The following PPP1R9A variants were observed in gnomAD, a reference collection of about 807,000 sequenced individuals.
PPP1R9A encodes the protein neurabin-1.
PPP1R9A carries 59 observed loss-of-function variants against 141.9 expected under a neutral mutation model. That is an observed-to-expected ratio of 0.42 (90% CI 0.34 to 0.52). The LOEUF (loss-of-function observed/expected upper bound fraction) is 0.52, where lower values mean the gene tolerates loss of function less well. Ranked by LOEUF, PPP1R9A falls within the 20% of genes least tolerant of loss-of-function variation. The pLI, the probability that PPP1R9A is intolerant of heterozygous loss-of-function variation, is 0.10. For missense variants in PPP1R9A, 1,444 were observed against 1,611.9 expected (o/e 0.90, Z 1.78); for synonymous variants, 500 against 569.7 (o/e 0.88, Z 1.74).
intron 2 of PPP1R9A, among the ~76,000 whole-genome samples, chr7:95,063,362 A>T (rs568899638): frequency 1.5e-4 from 23 of 152,200 alleles, no homozygotes; most frequent in African/African-American, 5.3e-4. Context: ...CCAGCAGTTT[A>T]AGATCAGCCT....
intron 2 of PPP1R9A, among the ~76,000 whole-genome samples, chr7:95,009,780 A>G (rs1186373885): frequency 6.6e-6 from 1 of 152,210 alleles, no homozygotes; most frequent in African/African-American, 2.4e-5. Context: ...TTGGCTGTAA[A>G]GAGGCAGGAA....
chr7:95,022,100 A>G lies in PPP1R9A; in HGVS notation c.1396-89159A>G, dbSNP rs142154899. On this transcript the variant is annotated intron_variant, in intron 2 of 19. Coordinates refer to ENST00000433360, the MANE Select transcript of PPP1R9A (RefSeq NM_001166160.2). ...TCACAATATTGATTCTTTCCTATCC[A>G]TGAGCATGGAATGTTTTCCATTTGT... 7.3e-3 allele frequency among the ~76,000 whole-genome samples: 1,114 copies of G among 152,324 alleles called. 25 individuals are homozygous for G. Among genetic ancestry groups the G allele is most frequent in the South Asian group, 0.01 (50 of 4,834 alleles).
At chr7:95,066,942 C>G (rs1238780424) in intron 2 of PPP1R9A, among the ~76,000 whole-genome samples, 1 of 152,194 alleles carries the variant, frequency 6.6e-6, no homozygotes, top group African/African-American at 2.4e-5. Flanking sequence ...AACTTGAAAA[C>G]TTTCAGGGGA....
intron 2 of PPP1R9A, among the ~76,000 whole-genome samples, chr7:94,926,809 G>C (rs1305085399): frequency 6.6e-6 from 1 of 151,804 alleles, no homozygotes; most frequent in Non-Finnish European, 1.5e-5. Context: ...TATTTTTGTA[G>C]TCGGTTGTCT....
At chr7:95,173,981 A>T (rs934732433) in intron 5 of PPP1R9A, among the ~76,000 whole-genome samples, 38 of 152,204 alleles carry the variant, frequency 2.5e-4, no homozygotes, top group African/African-American at 8.9e-4. Context: ...AGTTAGGCAT[A>T]CACTTATACC....
At chr7:95,079,774 G>A (rs994383006) in intron 2 of PPP1R9A, among the ~76,000 whole-genome samples, 43 of 152,178 alleles carry the variant, frequency 2.8e-4, no homozygotes, top group African/African-American at 1.0e-3. Context: ...GGGATGCAAG[G>A]CTGGTTCAAT....
chr7:94,994,351 C>T (rs972670462), intron 2 of PPP1R9A, among the ~76,000 whole-genome samples: 1 of 151,740 alleles, frequency 6.6e-6, no homozygotes, highest in African/African-American at 2.4e-5. Flanking sequence ...GAAGAAAGGG[C>T]GGGAGAAGAT....
intron 2 of PPP1R9A, among the ~76,000 whole-genome samples, chr7:94,953,867 G>T (rs987243839): frequency 6.6e-6 from 1 of 151,630 alleles, no homozygotes; most frequent in African/African-American, 2.4e-5. Flanking sequence ...GGGCTGAGAC[G>T]ATGGGGTTTT....
chr7:94,962,048 A>G (rs1797702667), intron 2 of PPP1R9A, among the ~76,000 whole-genome samples: 1 of 152,018 alleles, frequency 6.6e-6, no homozygotes, highest in Admixed American at 6.6e-5. Flanking sequence ...CTGTACATCA[A>G]CTAATCCCCT....
In PPP1R9A at chr7:94,911,136, C is replaced by T; in HGVS notation, c.1023C>T (p.Ser341=). The T allele has an allele frequency of 6.2e-7, 1 of 1,614,110 alleles. No homozygotes were observed. Residue 341 remains serine, a synonymous_variant, in exon 2 of 20, where the codon AGC becomes AGT. Transcript: ENST00000433360. ...AGTCCGAAATCCCTTCACCACAAAG[C>T]CAACTGTTAGAAGATGCTGAAGCTA... The part of the protein sequence containing the change: ...MPKSEIPSPQ[S]QLLEDAEANL...
At chr7:95,200,925 A>G (rs1159891733) in intron 6 of PPP1R9A, among the ~76,000 whole-genome samples, 2 of 152,172 alleles carry the variant, frequency 1.3e-5, no homozygotes, top group Non-Finnish European at 2.9e-5. Flanking sequence ...TGAAATTGGA[A>G]TAAAGTCTTG....
chr7:94,938,734 A>G (rs1435961133), intron 2 of PPP1R9A, among the ~76,000 whole-genome samples: 1 of 152,172 alleles, frequency 6.6e-6, no homozygotes. Context: ...TCATTAAACC[A>G]TGTGAACAAA....
intron 7 of PPP1R9A, 127 bp from the exon 8 acceptor site, chr7:95,225,834 T>G: frequency 1.0e-6 from 1 of 985,798 alleles, no homozygotes; most frequent in Non-Finnish European, 1.5e-6. Flanking sequence ...CATGCTTGGC[T>G]GAAAAACCTA....
At chr7:94,987,511 T>C (rs1375658949) in intron 2 of PPP1R9A, among the ~76,000 whole-genome samples, 1 of 152,192 alleles carries the variant, frequency 6.6e-6, no homozygotes, top group South Asian at 2.1e-4. Context: ...TAGTGTATTC[T>C]ATGTAAATAA....
chr7:94,948,336 C>A (rs1796107784), intron 2 of PPP1R9A, among the ~76,000 whole-genome samples: 2 of 152,032 alleles, frequency 1.3e-5, no homozygotes, highest in African/African-American at 4.8e-5. Context: ...ACTTTATTTA[C>A]CATAATGGGG....
chr7:95,004,634 A>G (rs180870131), intron 2 of PPP1R9A, among the ~76,000 whole-genome samples: 1 of 152,328 alleles, frequency 6.6e-6, no homozygotes, highest in African/African-American at 2.4e-5. Context: ...GGGCTAATCC[A>G]GAGTACTCAT....
Position 95,075,342 on chromosome 7 carries a change from A to C in PPP1R9A, c.1396-35917A>C, listed in dbSNP as rs138290154. 3.9e-3 allele frequency among the ~76,000 whole-genome samples: 599 copies of C among 152,266 alleles called. 23 individuals carry two copies. Among genetic ancestry groups the C allele is most frequent in the East Asian group, 0.037 (194 of 5,174 alleles). ...CCTTTAAATCTTAGATCTACTAAAA[A>C]TGTAGGGGAGGAAAAAAAAGTCATC... is the stretch of plus-strand genomic sequence containing the variant. On this transcript the variant is annotated intron_variant, in intron 2 of 19. Transcript: ENST00000433360.
rs116389556 is a variant in PPP1R9A at position 94,955,189 on chromosome 7, C to T, written c.1395+43681C>T. Among the ~76,000 whole-genome samples the T allele has an allele frequency of 7.4e-3, 1,119 of 151,750 alleles. 18 individuals carry two copies. Among genetic ancestry groups the T allele is most frequent in the African/African-American group, 0.025 (1,043 of 41,388 alleles). On this transcript the variant is annotated intron_variant, in intron 2 of 19. Transcript: ENST00000433360. Reference sequence around the variant, plus strand: ...TCTTTTAATAAAGGATTATTAAGCCCTCTCATTTTTTTGTCTGAAATCTTA... The same window carrying T: ...TCTTTTAATAAAGGATTATTAAGCCTTCTCATTTTTTTGTCTGAAATCTTA...
chr7:95,138,983 C>T (rs112766697), intron 4 of PPP1R9A, among the ~76,000 whole-genome samples: 221 of 152,272 alleles, frequency 1.5e-3, no homozygotes, highest in African/African-American at 5.2e-3. Flanking sequence ...TTTGATCCAG[C>T]AATTCCACTC....
Sources: gnomAD v4.1 joint callset for allele counts (sites outside exome capture counted in the v4.1 genomes callset) on GRCh38, gnomAD v4.1.1 for gene constraint, MANE v1.5 for transcripts, NCBI Gene and HGNC (gene_info 2026-07-23, HGNC 2026-07-21) for gene names.